The following PPP1R14C variants were observed in gnomAD, a reference collection of about 807,000 sequenced individuals.
The protein encoded by PPP1R14C is protein phosphatase 1 regulatory subunit 14C.
A neutral mutation model predicts 20.4 loss-of-function variants in PPP1R14C; 16 were observed. The observed-to-expected ratio is 0.78, with a 90% CI of 0.53 to 1.19. The LOEUF is 1.19. Ranked by LOEUF, PPP1R14C falls within the 50% of genes most tolerant of loss-of-function variation. The probability of loss-of-function intolerance (pLI) is 0.00; values close to 1 mark genes in which losing one functional copy is unlikely to be tolerated. For synonymous variants in PPP1R14C, 91 were observed against 91.0 expected (o/e 1.00, Z 0.00); for missense variants, 211 against 220.1 (o/e 0.96, Z 0.26).
At chr6:150,166,014 C>G (rs549189969) in intron 1 of PPP1R14C, among the ~76,000 whole-genome samples, 1 of 151,620 alleles carries the variant, frequency 6.6e-6, no homozygotes, top group Non-Finnish European at 1.5e-5. Flanking sequence ...TACACCAGAT[C>G]GCATTGTGAG....
In PPP1R14C at chr6:150,148,815, C is replaced by G. The variant is rs144960031; in HGVS notation, c.306+5317C>G. Among the ~76,000 whole-genome samples the G allele has an allele frequency of 7.9e-3, 1,201 of 152,260 alleles. 18 individuals carry two copies. Among genetic ancestry groups the G allele is most frequent in the African/African-American group, 0.028 (1,158 of 41,528 alleles). Reference sequence around the variant, plus strand: ...GTGGATAAAGCCAGGCATGGTGGCTCTAGCCTGTAATCCCAGCACTGACGG... The same window carrying G: ...GTGGATAAAGCCAGGCATGGTGGCTGTAGCCTGTAATCCCAGCACTGACGG... On this transcript the variant is annotated intron_variant, in intron 1 of 3. Transcript: ENST00000361131.
intron 1 of PPP1R14C, among the ~76,000 whole-genome samples, chr6:150,177,911 G>A (rs1035844380): frequency 1.4e-4 from 22 of 152,204 alleles, no homozygotes; most frequent in African/African-American, 5.3e-4. Flanking sequence ...CTTCCCTGTG[G>A]CATGTGTGTT....
chr6:150,225,770 G>A (rs964964667), intron 3 of PPP1R14C, among the ~76,000 whole-genome samples: 1 of 152,220 alleles, frequency 6.6e-6, no homozygotes, highest in African/African-American at 2.4e-5. Context: ...AATGAACGGA[G>A]AAGTCAGGTT....
At position 150,185,449 on chromosome 6, in the gene PPP1R14C, A is replaced by G. The variant is rs528563982; in HGVS notation, c.307-29295A>G. 6.6e-6 allele frequency among the ~76,000 whole-genome samples: 1 copy of G among 152,194 alleles called. No homozygotes were observed. The highest frequency in any genetic ancestry group is 1.9e-4 in the East Asian group (1 of 5,164). ...CATGGGGACCATCCTTGCATTAACC[A>G]CAGGAATTTCCAGCAACAGTCCACT... On this transcript the variant is annotated intron_variant, in intron 1 of 3. Coordinates refer to ENST00000361131, the MANE Select transcript of PPP1R14C (RefSeq NM_030949.3). The surrounding 1 kb of genome is among the most constrained non-coding windows in gnomAD (Gnocchi z 4.1).
intron 3 of PPP1R14C, among the ~76,000 whole-genome samples, chr6:150,232,179 CA>C (rs61464950): frequency 0.11 from 16,237 of 151,098 alleles, 983 homozygotes; most frequent in African/African-American, 0.15. Flanking sequence ...AAGGTTGAGA[CA>C]TTTTTTTTTT....
intron 3 of PPP1R14C, among the ~76,000 whole-genome samples, chr6:150,219,991 G>A (rs1778147245): frequency 6.6e-6 from 1 of 152,086 alleles, no homozygotes; most frequent in Admixed American, 6.5e-5. Context: ...GAGTAGTTGG[G>A]ATTATAGGCA....
At chr6:150,152,300 C>T (rs1042750207) in intron 1 of PPP1R14C, among the ~76,000 whole-genome samples, 3 of 152,160 alleles carry the variant, frequency 2.0e-5, no homozygotes, top group Non-Finnish European at 4.4e-5. Context: ...GTCTCTGGTT[C>T]CTGGGTTGGG....
intron 1 of PPP1R14C, among the ~76,000 whole-genome samples, chr6:150,206,167 C>G (rs1189097665): frequency 6.6e-6 from 1 of 152,158 alleles, no homozygotes; most frequent in African/African-American, 2.4e-5. Flanking sequence ...TAATCAGATA[C>G]CTTTCTCGCT....
chr6:150,188,413 G>C (rs750779032), intron 1 of PPP1R14C, among the ~76,000 whole-genome samples: 1 of 151,976 alleles, frequency 6.6e-6, no homozygotes, highest in Non-Finnish European at 1.5e-5. Flanking sequence ...CTGTGCTCAG[G>C]GCATGCCTTC....
chr6:150,209,653 T>C (rs1777996545), intron 1 of PPP1R14C, among the ~76,000 whole-genome samples: 1 of 151,784 alleles, frequency 6.6e-6, no homozygotes, highest in African/African-American at 2.4e-5. Flanking sequence ...TATTCATCCA[T>C]GTGTGTATTC....
In PPP1R14C at chr6:150,180,930, A is replaced by G. The variant is rs143519461; in HGVS notation, c.307-33814A>G. ...ATAGTTGCTGGAAAAATTAGTGTCC[A>G]CATTCTTCTTACAGTGCATCCAAAA... On this transcript the variant is annotated intron_variant, in intron 1 of 3. Transcript: ENST00000361131. 3.3e-4 allele frequency among the ~76,000 whole-genome samples: 51 copies of G among 152,358 alleles called. 2 individuals are homozygous for G. In the East Asian group the frequency reaches 9.4e-3, roughly 28 times the overall value.
chr6:150,226,673 T>A (rs1778234398), intron 3 of PPP1R14C, among the ~76,000 whole-genome samples: 1 of 152,214 alleles, frequency 6.6e-6, no homozygotes, highest in South Asian at 2.1e-4. Flanking sequence ...CCATTGCTCT[T>A]TGATAAACAT....
intron 1 of PPP1R14C, among the ~76,000 whole-genome samples, chr6:150,174,229 A>G (rs539741212): frequency 6.6e-6 from 1 of 152,274 alleles, no homozygotes; most frequent in Admixed American, 6.5e-5. Flanking sequence ...TAAATCAATT[A>G]CAAAGAAATG....
chr6:150,197,763 C>G (rs866375013), intron 1 of PPP1R14C, among the ~76,000 whole-genome samples: 126 of 125,968 alleles, frequency 1.0e-3, no homozygotes, highest in Middle Eastern at 4.2e-3. Context: ...CTTTGTGTGC[C>G]CCTGGCCGCC....
At chr6:150,198,060 C>T (rs77431660) in intron 1 of PPP1R14C, among the ~76,000 whole-genome samples, 1 of 49,988 alleles carries the variant, frequency 2.0e-5, no homozygotes, top group Admixed American at 1.9e-4. Flanking sequence ...CCCCTGGCCG[C>T]CACGGTGGAG....
chr6:150,144,555 T>C (rs1040152835), intron 1 of PPP1R14C, among the ~76,000 whole-genome samples: 13 of 152,234 alleles, frequency 8.5e-5, no homozygotes, highest in African/African-American at 3.1e-4. Context: ...GCTAGGTTTG[T>C]GTTCATTCAA....
Position 150,249,125 on chromosome 6 carries a change from C to T in PPP1R14C, c.*305C>T, listed in dbSNP as rs560024669. On this transcript the variant is annotated 3_prime_UTR_variant, in exon 4 of 4. Coordinates refer to ENST00000361131, the MANE Select transcript of PPP1R14C (RefSeq NM_030949.3). ...GGAAGGGCCACGCCAGGCTGCGTTT[C>T]CTGCAAGGACTCAGATGTTCAGTAC... 9 of 413,386 alleles carry T rather than the reference C, an allele frequency of 2.2e-5. No individual in the cohort carries two copies. The highest frequency in any genetic ancestry group is 1.8e-4 in the African/African-American group (9 of 48,964). The allele number at this position is 413,386 out of a possible 1,614,324, so 25.6% of individuals were successfully genotyped here.
chr6:150,152,119 CAAA>C (rs577869928), intron 1 of PPP1R14C, among the ~76,000 whole-genome samples: 5 of 84,944 alleles, frequency 5.9e-5, no homozygotes, highest in African/African-American at 1.9e-4. Flanking sequence ...GACTCCGTCT[CAAA>C]AAAAAAAAAA....
intron 1 of PPP1R14C, among the ~76,000 whole-genome samples, chr6:150,212,061 T>A (rs867739580): frequency 2.0e-5 from 3 of 152,252 alleles, no homozygotes; most frequent in Middle Eastern, 3.4e-3. Context: ...ATGCCTGGCA[T>A]TTTTTTCTTT....
Sources: gnomAD v4.1 joint callset for allele counts (sites outside exome capture counted in the v4.1 genomes callset) on GRCh38, gnomAD v4.1.1 for gene constraint, Gnocchi (gnomAD v3.1) non-coding constraint, MANE v1.5 for transcripts, NCBI Gene and HGNC (gene_info 2026-07-23, HGNC 2026-07-21) for gene names.